Variants in PRKCZ observed in about 807,000 individuals in gnomAD.
PRKCZ encodes the protein protein kinase C zeta.
PRKCZ carries 33 observed loss-of-function variants against 79.5 expected under a neutral mutation model. That is an observed-to-expected ratio of 0.41 (90% CI 0.31 to 0.55). The LOEUF is 0.55. Ranked by LOEUF, PRKCZ falls within the 20% of genes least tolerant of loss-of-function variation. The pLI is 0.19. For synonymous variants in PRKCZ, 342 were observed against 320.9 expected (o/e 1.07, Z -0.70); for missense variants, 578 against 813.5 (o/e 0.71, Z 3.52).
chr1:2,105,005 T>C (rs918766284), intron 4 of PRKCZ: 6 of 803,438 alleles, frequency 7.5e-6, no homozygotes, highest in Non-Finnish European at 9.0e-6. Flanking sequence ...GACCTTGATC[T>C]GTGACAGCTC....
rs3765920 is a variant in PRKCZ, at chr1:2,154,227, G to A, written c.877-1768G>A. 9.5e-3 allele frequency among the ~76,000 whole-genome samples: 1,441 copies of A among 152,254 alleles called. 27 individuals carry two copies. Among genetic ancestry groups the A allele is most frequent in the East Asian group, 0.082 (422 of 5,160 alleles). Reference sequence around the variant, plus strand: ...GGAGATGCGGGCTGGCGAGGAGCTCGGCTTGTGGCCTGGGGTGGCGTGAGA... The same window carrying A: ...GGAGATGCGGGCTGGCGAGGAGCTCAGCTTGTGGCCTGGGGTGGCGTGAGA... On this transcript the variant is annotated intron_variant, in intron 9 of 17. Coordinates refer to ENST00000378567, the MANE Select transcript of PRKCZ (RefSeq NM_002744.6).
intron 2 of PRKCZ, among the ~76,000 whole-genome samples, chr1:2,056,144 C>T (rs887659361): frequency 2.0e-5 from 3 of 152,228 alleles, no homozygotes; most frequent in East Asian, 1.9e-4. Context: ...CTCCATGTCC[C>T]TTTCCAGCCA....
intron 4 of PRKCZ, chr1:2,104,652 A>G (rs1204591651): frequency 1.0e-6 from 1 of 981,508 alleles, no homozygotes; most frequent in South Asian, 4.7e-5. Context: ...ATCCAGGGGA[A>G]GCCAGTGTGG....
intron 10 of PRKCZ, among the ~76,000 whole-genome samples, chr1:2,158,131 G>C (rs1557702619): frequency 6.6e-6 from 1 of 152,178 alleles, no homozygotes; most frequent in African/African-American, 2.4e-5. Context: ...TGCTCTACGT[G>C]CGGTGCCGTC....
chr1:2,147,061 G>A (rs1004044404), intron 7 of PRKCZ, among the ~76,000 whole-genome samples: 10 of 152,128 alleles, frequency 6.6e-5, no homozygotes, highest in Non-Finnish European at 8.8e-5. Context: ...TCTTCCATTC[G>A]TTCATCTGTT....
At chr1:2,109,035 G>GC (rs554063569) in intron 4 of PRKCZ, among the ~76,000 whole-genome samples, 235 of 152,066 alleles carry the variant, frequency 1.5e-3, no homozygotes, top group African/African-American at 4.6e-3. Flanking sequence ...TGATACAGCC[G>GC]CCCCCCCATC....
At chr1:2,158,062 T>C (rs780849775) in intron 10 of PRKCZ, among the ~76,000 whole-genome samples, 8 of 144,854 alleles carry the variant, frequency 5.5e-5, no homozygotes, top group Non-Finnish European at 1.1e-4. Context: ...CTCTTGCCTG[T>C]GCTTGGCAGC....
chr1:2,049,730 G>C (rs1369095149), upstream of PRKCZ: 1 of 152,548 alleles, frequency 6.6e-6, no homozygotes, highest in African/African-American at 2.4e-5. Context: ...GGCGGCGGTG[G>C]AGGGGCCTGG....
intron 4 of PRKCZ, 45 bp downstream of exon 4, chr1:2,059,636 T>G (rs1660490474): frequency 6.2e-7 from 1 of 1,609,356 alleles, no homozygotes; most frequent in Non-Finnish European, 8.5e-7. Flanking sequence ...GTTACGGGGT[T>G]GAACTGTTGA....
At chr1:2,114,782 A>AT (rs1347083342) in intron 4 of PRKCZ, among the ~76,000 whole-genome samples, 2 of 151,950 alleles carry the variant, frequency 1.3e-5, no homozygotes, top group African/African-American at 4.8e-5. Flanking sequence ...CAAAAAAAAA[A>AT]GAAAAAGAAA....
chr1:2,107,840 T>A (rs1668871142), intron 4 of PRKCZ, among the ~76,000 whole-genome samples: 1 of 145,944 alleles, frequency 6.9e-6, no homozygotes, highest in Non-Finnish European at 1.5e-5. Flanking sequence ...CGTCCAGGGA[T>A]TCCCCCCAGG....
At chr1:2,077,527 T>G (rs778625585) in intron 4 of PRKCZ, among the ~76,000 whole-genome samples, 1 of 152,318 alleles carries the variant, frequency 6.6e-6, no homozygotes, top group East Asian at 1.9e-4. Context: ...GTCAGGAAAT[T>G]GTGTTGTTGC....
chr1:2,132,830 G>A (rs1328719787), intron 4 of PRKCZ, among the ~76,000 whole-genome samples: 1 of 152,208 alleles, frequency 6.6e-6, no homozygotes, highest in East Asian at 1.9e-4. Context: ...GGGAAGCGGG[G>A]TCAGCCCCCG....
At chr1:2,157,667 A>C (rs563424083) in intron 10 of PRKCZ, among the ~76,000 whole-genome samples, 30 of 150,512 alleles carry the variant, frequency 2.0e-4, no homozygotes, top group Non-Finnish European at 5.9e-5. Context: ...CAGCCTCCCA[A>C]AGTGTTGGGA....
intron 4 of PRKCZ, among the ~76,000 whole-genome samples, chr1:2,079,976 G>C (rs1663179771): frequency 6.6e-6 from 1 of 152,202 alleles, no homozygotes; most frequent in Admixed American, 6.5e-5. Flanking sequence ...GAGGAAGGGG[G>C]TCTGGGGGTC....
Position 2,128,684 on chromosome 1 carries a change from A to G in PRKCZ, c.335-6578A>G, listed in dbSNP as rs551684996. Among the ~76,000 whole-genome samples, 10 of 152,212 alleles carry G rather than the reference A, an allele frequency of 6.6e-5. 1 individual carries two copies. The East Asian group carries it at 1.2e-3, about 18-fold the overall frequency. ...AGGGAGGTGGCAGGATGGGTCCCCA[A>G]TGGGCACGTGACATCGAGCCAGCTC... On this transcript the variant is annotated intron_variant, in intron 4 of 17. Coordinates refer to ENST00000378567, the MANE Select transcript of PRKCZ (RefSeq NM_002744.6). The surrounding 1 kb of genome is among the most constrained non-coding windows in gnomAD (Gnocchi z 6.5).
intron 7 of PRKCZ, among the ~76,000 whole-genome samples, chr1:2,147,467 C>T (rs1215582888): frequency 2.0e-5 from 3 of 151,076 alleles, no homozygotes; most frequent in East Asian, 2.0e-4. Context: ...TGTCCACTGA[C>T]GTCTCCATCT....
chr1:2,074,347 T>A, intron 4 of PRKCZ: 1 of 1,539,674 alleles, frequency 6.5e-7, no homozygotes. Flanking sequence ...CTTGGGGAAA[T>A]CGTCTTGGGC....
rs1197605531 is a variant in PRKCZ, at chr1:2,168,174, C to T, written c.975-1344C>T. 2.0e-5 allele frequency among the ~76,000 whole-genome samples: 3 copies of T among 152,166 alleles called. No individual in the cohort carries two copies. Among genetic ancestry groups the T allele is most frequent in the African/African-American group, 2.4e-5 (1 of 41,430 alleles). ...CCAAGAGTAGACATTTTTGGCTTTGCGGCCACAGGGTCTCTGTTAGCAACT... is the reference window on the plus strand; with the variant it reads ...CCAAGAGTAGACATTTTTGGCTTTGTGGCCACAGGGTCTCTGTTAGCAACT... On this transcript the variant is annotated intron_variant, in intron 10 of 17. Coordinates refer to ENST00000378567, the MANE Select transcript of PRKCZ (RefSeq NM_002744.6). This position sits in a 1 kb window ranked among gnomAD's most constrained non-coding sequence, Gnocchi z 4.7.
Sources: allele counts gnomAD v4.1 joint callset (sites outside exome capture counted in the v4.1 genomes callset), GRCh38; gene constraint gnomAD v4.1.1; non-coding constraint Gnocchi (gnomAD v3.1); transcripts MANE v1.5; gene names NCBI Gene and HGNC (gene_info 2026-07-23, HGNC 2026-07-21).